The following ALK variants were observed in gnomAD, a reference collection of about 807,000 sequenced individuals.
ALK encodes ALK receptor tyrosine kinase, also known as ALK tyrosine kinase receptor.
In ALK, 74 loss-of-function variants were observed where a neutral mutation model predicts 163.1. The observed-to-expected ratio is 0.45, with a 90% CI of 0.38 to 0.55. The LOEUF is 0.55. ALK is among the 20% of genes least tolerant of loss of function. The pLI is 0.00. For synonymous variants in ALK, 960 were observed against 843.2 expected (o/e 1.14, Z -2.40); for missense variants, 2,063 against 2,105.3 (o/e 0.98, Z 0.39).
At chr2:29,424,319 T>C (rs1439537324) in intron 4 of ALK, among the ~76,000 whole-genome samples, 1 of 152,154 alleles carries the variant, frequency 6.6e-6, no homozygotes, top group Non-Finnish European at 1.5e-5. Context: ...AACTGACAAA[T>C]TATGCAAAAA....
chr2:29,831,175 G>A (rs181131901), intron 1 of ALK, among the ~76,000 whole-genome samples: 1 of 21,866 alleles, frequency 4.6e-5, no homozygotes, highest in Non-Finnish European at 8.2e-5. Context: ...AAGAGGAAGA[G>A]GAAGGGGAAG....
chr2:29,883,684 A>T (rs1235171719), intron 1 of ALK, among the ~76,000 whole-genome samples: 2 of 148,960 alleles, frequency 1.3e-5, no homozygotes, highest in Non-Finnish European at 2.9e-5. Flanking sequence ...CTCCTTGAAG[A>T]GTAAGATGGA....
At chr2:29,772,468 G>A (rs1003120476) in intron 1 of ALK, among the ~76,000 whole-genome samples, 1 of 152,192 alleles carries the variant, frequency 6.6e-6, no homozygotes, top group African/African-American at 2.4e-5. Flanking sequence ...GGCATGTCTT[G>A]GCACATATGC....
chr2:29,313,844 G>A (rs574737202), intron 8 of ALK, among the ~76,000 whole-genome samples: 5 of 151,986 alleles, frequency 3.3e-5, no homozygotes, highest in South Asian at 2.1e-4. Flanking sequence ...GTTTTTCCTC[G>A]GTCTCATGCC....
At chr2:29,353,476 A>G (rs1459657456) in intron 5 of ALK, among the ~76,000 whole-genome samples, 2 of 152,206 alleles carry the variant, frequency 1.3e-5, no homozygotes, top group Non-Finnish European at 2.9e-5. Flanking sequence ...TTCCAACCTG[A>G]GAACACAGAG....
chr2:29,441,572 C>A (rs1670545745), intron 4 of ALK, among the ~76,000 whole-genome samples: 1 of 152,176 alleles, frequency 6.6e-6, no homozygotes, highest in Admixed American at 6.5e-5. Flanking sequence ...GGAGAAATGG[C>A]TATTTTTCAA....
chr2:29,332,118 C>T (rs13032228), intron 5 of ALK, among the ~76,000 whole-genome samples: 2 of 151,492 alleles, frequency 1.3e-5, no homozygotes, highest in Middle Eastern at 3.4e-3. Flanking sequence ...AACCCCGTCT[C>T]TACTAAAAAT....
chr2:29,496,855 A>T (rs1672036739), intron 4 of ALK, among the ~76,000 whole-genome samples: 1 of 152,204 alleles, frequency 6.6e-6, no homozygotes, highest in Admixed American at 6.5e-5. Context: ...ACTGGCTGAT[A>T]TCCATTTGCT....
intron 1 of ALK, among the ~76,000 whole-genome samples, chr2:29,819,981 G>A (rs1354655807): frequency 6.6e-6 from 1 of 152,222 alleles, no homozygotes; most frequent in Non-Finnish European, 1.5e-5. Context: ...CTATCCCTAA[G>A]ACTGGGGTGC....
intron 1 of ALK, among the ~76,000 whole-genome samples, chr2:29,788,792 T>C (rs771510885): frequency 2.6e-5 from 4 of 152,154 alleles, no homozygotes; most frequent in African/African-American, 4.8e-5. Flanking sequence ...AGGGACCCAT[T>C]ATAGCTGAAC....
At chr2:29,723,209 G>A (rs1267290706) in intron 1 of ALK, among the ~76,000 whole-genome samples, 1 of 152,130 alleles carries the variant, frequency 6.6e-6, no homozygotes, top group African/African-American at 2.4e-5. Context: ...CATTGCTGGA[G>A]CTCAGTCCCA....
intron 11 of ALK, among the ~76,000 whole-genome samples, chr2:29,256,130 C>G (rs1216564081): frequency 2.0e-5 from 3 of 152,190 alleles, no homozygotes; most frequent in African/African-American, 7.2e-5. Flanking sequence ...GTGAGCAGGT[C>G]TAAAACCAGA....
At chr2:29,360,518 A>T (rs1441475911) in intron 5 of ALK, among the ~76,000 whole-genome samples, 1 of 152,158 alleles carries the variant, frequency 6.6e-6, no homozygotes, top group East Asian at 1.9e-4. Flanking sequence ...CTCTGAAGCC[A>T]TGTGTTTGTC....
chr2:29,917,902 G>A (rs1667878644), intron 1 of ALK, among the ~76,000 whole-genome samples: 1 of 152,198 alleles, frequency 6.6e-6, no homozygotes, highest in Non-Finnish European at 1.5e-5. Context: ...AATCAGCATT[G>A]CTAGATGTGT....
At chr2:29,829,680 C>G (rs1054988035) in intron 1 of ALK, among the ~76,000 whole-genome samples, 1 of 152,196 alleles carries the variant, frequency 6.6e-6, no homozygotes, top group East Asian at 1.9e-4. Flanking sequence ...CAGATTAATT[C>G]TTGGTGAACA....
chr2:29,390,307 A>C (rs908454802), intron 4 of ALK, among the ~76,000 whole-genome samples: 69 of 152,146 alleles, frequency 4.5e-4, no homozygotes, highest in Non-Finnish European at 7.5e-4. Flanking sequence ...TGGGATGCCC[A>C]AACTCACGGG....
intron 1 of ALK, among the ~76,000 whole-genome samples, chr2:29,808,492 T>C (rs1305878931): frequency 1.3e-5 from 2 of 152,166 alleles, no homozygotes; most frequent in Non-Finnish European, 2.9e-5. Context: ...AGTGACAGAA[T>C]TAGTCACTTT....
intron 14 of ALK, among the ~76,000 whole-genome samples, chr2:29,232,765 T>TC (rs1269542273): frequency 6.6e-6 from 1 of 152,208 alleles, no homozygotes; most frequent in East Asian, 1.9e-4. Flanking sequence ...CTGAAGCTCC[T>TC]TAGACTGGCC....
intron 1 of ALK, among the ~76,000 whole-genome samples, chr2:29,805,681 T>C (rs1459073986): frequency 1.3e-5 from 2 of 152,226 alleles, no homozygotes; most frequent in Non-Finnish European, 2.9e-5. Context: ...TCTTGTTCTT[T>C]TTTATGGCTG....
Sources: allele counts gnomAD v4.1 joint callset (sites outside exome capture counted in the v4.1 genomes callset), GRCh38; gene constraint gnomAD v4.1.1; transcripts MANE v1.5; gene names NCBI Gene and HGNC (gene_info 2026-07-23, HGNC 2026-07-21).